DKK2: variants seen among roughly 807,000 people sequenced by gnomAD.
DKK2 encodes dickkopf Wnt signaling pathway inhibitor 2, also known as dickkopf-related protein 2.
In DKK2, 11 loss-of-function variants were observed where a neutral mutation model predicts 28.1. That is an observed-to-expected ratio of 0.39 (90% CI 0.25 to 0.65). The LOEUF is 0.65. DKK2 is among the 30% of genes least tolerant of loss of function. DKK2 has a pLI of 0.47. For synonymous variants in DKK2, 135 were observed against 126.5 expected (o/e 1.07, Z -0.45); for missense variants, 326 against 335.5 (o/e 0.97, Z 0.22).
chr4:106,955,914 C>T (rs1182074756), intron 1 of DKK2, among the ~76,000 whole-genome samples: 1 of 152,128 alleles, frequency 6.6e-6, no homozygotes, highest in Non-Finnish European at 1.5e-5. Flanking sequence ...AGCCCTGCTC[C>T]CTGAACTCTT....
chr4:106,955,182 T>A (rs1722571902), intron 1 of DKK2, among the ~76,000 whole-genome samples: 1 of 152,140 alleles, frequency 6.6e-6, no homozygotes, highest in Non-Finnish European at 1.5e-5. Flanking sequence ...GGCTTTTATT[T>A]TTTCTTTTAA....
intron 1 of DKK2, among the ~76,000 whole-genome samples, chr4:106,979,080 T>TTTG (rs1553922934): frequency 5.9e-5 from 9 of 151,632 alleles, no homozygotes; most frequent in African/African-American, 1.7e-4. Context: ...TGTTTTTGTT[T>TTTG]TTTTTTCAGA....
chr4:106,957,765 A>AG (rs1380194578), intron 1 of DKK2, among the ~76,000 whole-genome samples: 1 of 52,674 alleles, frequency 1.9e-5, no homozygotes, highest in Non-Finnish European at 3.4e-5. Context: ...GGGTGGGGGG[A>AG]GGGGGGAGGG....
At chr4:107,000,444 T>C (rs751015854) in intron 1 of DKK2, among the ~76,000 whole-genome samples, 3 of 152,200 alleles carry the variant, frequency 2.0e-5, no homozygotes, top group Non-Finnish European at 2.9e-5. Flanking sequence ...TAAACTACTT[T>C]TAGCACATGC....
chr4:106,974,577 T>C (rs1233831919), intron 1 of DKK2, among the ~76,000 whole-genome samples: 1 of 152,202 alleles, frequency 6.6e-6, no homozygotes, highest in African/African-American at 2.4e-5. Flanking sequence ...CTTGTGATTT[T>C]CGCACATTGA....
At chr4:106,938,483 T>C (rs1724635984) in intron 1 of DKK2, among the ~76,000 whole-genome samples, 1 of 152,136 alleles carries the variant, frequency 6.6e-6, no homozygotes, top group South Asian at 2.1e-4. Flanking sequence ...ATCAATAGCT[T>C]ACCAACTAAA....
intron 1 of DKK2, among the ~76,000 whole-genome samples, chr4:107,008,940 G>T (rs976011412): frequency 6.6e-6 from 1 of 151,924 alleles, no homozygotes; most frequent in African/African-American, 2.4e-5. Context: ...TTATCTAACA[G>T]AAATATCAGT....
chr4:106,928,680 G>A (rs190846132), intron 1 of DKK2, among the ~76,000 whole-genome samples: 87 of 152,150 alleles, frequency 5.7e-4, no homozygotes, highest in African/African-American at 1.9e-3. Context: ...TTTTTCAACC[G>A]TAAAGCTTAC....
intron 1 of DKK2, among the ~76,000 whole-genome samples, chr4:107,010,334 T>C (rs1438415383): frequency 6.6e-6 from 1 of 151,746 alleles, no homozygotes; most frequent in Non-Finnish European, 1.5e-5. Flanking sequence ...GGTAATAAAA[T>C]AGATAATAAT....
intron 1 of DKK2, among the ~76,000 whole-genome samples, chr4:106,968,362 G>A (rs1722815145): frequency 1.3e-5 from 2 of 152,070 alleles, no homozygotes; most frequent in South Asian, 2.1e-4. Flanking sequence ...TTTTATAGAT[G>A]GGGATGATAA....
chr4:106,980,327 G>T (rs1723010234), intron 1 of DKK2, among the ~76,000 whole-genome samples: 1 of 151,802 alleles, frequency 6.6e-6, no homozygotes, highest in South Asian at 2.1e-4. Flanking sequence ...ATATACACAG[G>T]TATATGCATA....
chr4:107,003,323 C>G (rs1723389554), intron 1 of DKK2, among the ~76,000 whole-genome samples: 1 of 152,226 alleles, frequency 6.6e-6, no homozygotes, highest in African/African-American at 2.4e-5. Context: ...CACATCAGGA[C>G]CACTACAAAC....
intron 1 of DKK2, among the ~76,000 whole-genome samples, chr4:106,953,799 T>C (rs1377020522): frequency 6.6e-6 from 1 of 152,178 alleles, no homozygotes; most frequent in African/African-American, 2.4e-5. Context: ...TCCAATAACT[T>C]TCAGGAAACA....
In DKK2 at chr4:107,016,698, C is replaced by T. The variant is rs1017126503; in HGVS notation, c.222+18672G>A. Reference sequence around the variant, plus strand: ...TTTTGAAGATAGAGCTAAGGGGCTTCCTTAATGGTCTGAATATGAGTATAA... The same window carrying T: ...TTTTGAAGATAGAGCTAAGGGGCTTTCTTAATGGTCTGAATATGAGTATAA... On this transcript the variant is annotated intron_variant, in intron 1 of 3. Transcript: ENST00000285311. 5.9e-5 allele frequency among the ~76,000 whole-genome samples: 9 copies of T among 151,864 alleles called. 1 individual carries two copies. Among genetic ancestry groups the T allele is most frequent in the Admixed American group, 5.9e-4 (9 of 15,222 alleles).
chr4:107,005,557 C>T (rs936501340), intron 1 of DKK2, among the ~76,000 whole-genome samples: 23 of 152,088 alleles, frequency 1.5e-4, no homozygotes, highest in African/African-American at 5.1e-4. Flanking sequence ...TCTGATGGTG[C>T]TCCGACATCA....
At chr4:107,024,108 T>G (rs1723735632) in intron 1 of DKK2, among the ~76,000 whole-genome samples, 1 of 152,180 alleles carries the variant, frequency 6.6e-6, no homozygotes, top group Non-Finnish European at 1.5e-5. Context: ...GTTATTTCTC[T>G]GAACTTTGTC....
intron 1 of DKK2, among the ~76,000 whole-genome samples, chr4:107,005,138 C>G (rs1004173257): frequency 5.9e-5 from 9 of 151,850 alleles, no homozygotes; most frequent in African/African-American, 1.9e-4. Context: ...TTGAGGAGAT[C>G]GAGACCATCC....
At chr4:106,938,750 A>G (rs1395431566) in intron 1 of DKK2, among the ~76,000 whole-genome samples, 2 of 152,030 alleles carry the variant, frequency 1.3e-5, no homozygotes, top group Non-Finnish European at 2.9e-5. Context: ...GCACATCAAA[A>G]AGCTTATTCA....
At chr4:107,011,236 T>C (rs148587802) in intron 1 of DKK2, among the ~76,000 whole-genome samples, 5 of 151,722 alleles carry the variant, frequency 3.3e-5, no homozygotes, top group African/African-American at 4.8e-5. Flanking sequence ...TCATATAATC[T>C]GTGACAATCA....
Sources: allele counts gnomAD v4.1 joint callset (sites outside exome capture counted in the v4.1 genomes callset), GRCh38; gene constraint gnomAD v4.1.1; transcripts MANE v1.5; gene names NCBI Gene and HGNC (gene_info 2026-07-23, HGNC 2026-07-21).